The following SPIRE1 variants were observed in gnomAD, a reference collection of about 807,000 sequenced individuals.
SPIRE1 encodes the protein spire type actin nucleation factor 1, also known as protein spire homolog 1.
Under a neutral mutation model 94.1 loss-of-function variants are expected in SPIRE1, and 40 were observed. The observed-to-expected ratio is 0.43, with a 90% CI of 0.33 to 0.55. The LOEUF is 0.55. SPIRE1 is among the 20% of genes least tolerant of loss of function. The pLI is 0.06. For synonymous variants in SPIRE1, 376 were observed against 371.7 expected, an observed-to-expected ratio of 1.01 and a Z score of -0.13; for missense variants, 838 against 975.2, an observed-to-expected ratio of 0.86 and a Z score of 1.87.
At chr18:12,631,871 T>C (rs920415345) in intron 2 of SPIRE1, among the ~76,000 whole-genome samples, 1 of 151,372 alleles carries the variant, frequency 6.6e-6, no homozygotes, top group South Asian at 2.1e-4. Flanking sequence ...TCTCAAAAAA[T>C]ACACATAAAA....
intron 2 of SPIRE1, among the ~76,000 whole-genome samples, chr18:12,614,187 G>A (rs996874278): frequency 3.9e-5 from 6 of 152,200 alleles, no homozygotes; most frequent in Non-Finnish European, 7.3e-5. Context: ...CTTGAGCCCA[G>A]AAGGTGCAGA....
chr18:12,549,439 G>GGTTTTTTTTTTTTTTT (rs2035275774), intron 2 of SPIRE1, among the ~76,000 whole-genome samples: 2 of 41,248 alleles, frequency 4.8e-5, no homozygotes, highest in Non-Finnish European at 7.7e-5. Flanking sequence ...TGTTATTGTT[G>GGTTTTTTTTTTTTTTT]TTTTTTTTTT....
intron 2 of SPIRE1, among the ~76,000 whole-genome samples, chr18:12,549,544 C>A (rs1033949438): frequency 6.8e-6 from 1 of 146,996 alleles, no homozygotes; most frequent in South Asian, 2.2e-4. Flanking sequence ...CTCCACCTCC[C>A]GGGTTCAAGG....
chr18:12,464,654 G>A (rs956019361), intron 11 of SPIRE1, among the ~76,000 whole-genome samples: 4 of 152,256 alleles, frequency 2.6e-5, no homozygotes, highest in Admixed American at 6.5e-5. Context: ...ACTATTGTTC[G>A]TAAACACACA....
At chr18:12,572,208 A>G (rs2035975009) in intron 2 of SPIRE1, among the ~76,000 whole-genome samples, 1 of 152,148 alleles carries the variant, frequency 6.6e-6, no homozygotes, top group Non-Finnish European at 1.5e-5. Context: ...CAATTACACA[A>G]TCACACAGGG....
At chr18:12,493,281 TA>T in intron 7 of SPIRE1, 80 bp from the exon 8 acceptor site, 1 of 1,274,294 alleles carries the variant, frequency 7.8e-7, no homozygotes, top group East Asian at 2.4e-5. Flanking sequence ...TACAGTATTA[TA>T]AATTACATTT....
At chr18:12,490,524 G>C (rs2033196519) in intron 8 of SPIRE1, among the ~76,000 whole-genome samples, 1 of 152,082 alleles carries the variant, frequency 6.6e-6, no homozygotes, top group Admixed American at 6.6e-5. Context: ...AATGAATATA[G>C]ATTCAAAATT....
At chr18:12,622,286 G>A (rs113282568) in intron 2 of SPIRE1, among the ~76,000 whole-genome samples, 2,204 of 152,228 alleles carry the variant, frequency 0.014, 61 homozygotes, top group African/African-American at 0.05. Context: ...CATCTGTGTA[G>A]CGTGGGAAAT....
At chr18:12,543,806 AG>A (rs1190602379) in intron 3 of SPIRE1, among the ~76,000 whole-genome samples, 1 of 152,228 alleles carries the variant, frequency 6.6e-6, no homozygotes, top group Non-Finnish European at 1.5e-5. Context: ...TCAAACAAGG[AG>A]AAAGCAGTTA....
chr18:12,489,119 C>T (rs928695060), intron 8 of SPIRE1, among the ~76,000 whole-genome samples: 4 of 152,094 alleles, frequency 2.6e-5, no homozygotes, highest in African/African-American at 7.2e-5. Flanking sequence ...ACCTAGGAGG[C>T]GGAGCTTGCA....
chr18:12,628,979 T>C (rs1158877550), intron 2 of SPIRE1, among the ~76,000 whole-genome samples: 1 of 152,222 alleles, frequency 6.6e-6, no homozygotes, highest in African/African-American at 2.4e-5. Flanking sequence ...CATGAGTCTT[T>C]TTAATAGTTT....
intron 4 of SPIRE1, among the ~76,000 whole-genome samples, chr18:12,519,326 G>A (rs924008167): frequency 1.3e-5 from 2 of 151,808 alleles, no homozygotes; most frequent in Admixed American, 6.6e-5. Context: ...AGTATTTTTT[G>A]TACCTATACA....
chr18:12,627,291 T>C (rs1006689496), intron 2 of SPIRE1, among the ~76,000 whole-genome samples: 2 of 146,238 alleles, frequency 1.4e-5, no homozygotes, highest in African/African-American at 5.0e-5. Context: ...AATTCCCACC[T>C]ATGAGTGAGA....
chr18:12,562,578 G>A (rs2035717247), intron 2 of SPIRE1, among the ~76,000 whole-genome samples: 1 of 151,672 alleles, frequency 6.6e-6, no homozygotes, highest in Non-Finnish European at 1.5e-5. Flanking sequence ...ATGGTAGTCT[G>A]CTGCACCCAT....
chr18:12,648,327 C>G (rs2038281273), intron 1 of SPIRE1, among the ~76,000 whole-genome samples: 1 of 152,082 alleles, frequency 6.6e-6, no homozygotes, highest in Non-Finnish European at 1.5e-5. Context: ...GTTATCGTAG[C>G]CAGTGATGTC....
intron 10 of SPIRE1, among the ~76,000 whole-genome samples, chr18:12,465,540 A>C (rs570193729): frequency 6.6e-6 from 1 of 152,210 alleles, no homozygotes; most frequent in Non-Finnish European, 1.5e-5. Flanking sequence ...AGATGAAATG[A>C]GGTAATGCAT....
In SPIRE1 at chr18:12,447,439, G is replaced by A. The variant is rs964289170; in HGVS notation, c.*2199C>T. 2 of 149,180 alleles carry A rather than the reference G, an allele frequency of 1.3e-5. No homozygotes were observed. The highest frequency in any genetic ancestry group is 3.0e-5 in the Non-Finnish European group (2 of 67,116). The allele number at this position is 149,180 out of a possible 1,614,324, so 9.2% of individuals were successfully genotyped here. A position where few individuals can be genotyped will look rare whatever the true frequency, so the allele number is the denominator to read the frequency against. On this transcript the variant is annotated 3_prime_UTR_variant, in exon 17 of 17. Transcript: ENST00000409402. Reference sequence around the variant, plus strand: ...GAAGTGTGGAGGGGGGTGGTAGAAAGGGGGGTTAAATGTAAGACTTTGTTT... The same window carrying A: ...GAAGTGTGGAGGGGGGTGGTAGAAAAGGGGGTTAAATGTAAGACTTTGTTT...
intron 1 of SPIRE1, among the ~76,000 whole-genome samples, chr18:12,654,153 A>G (rs1033947931): frequency 8.6e-5 from 13 of 151,278 alleles, no homozygotes; most frequent in Non-Finnish European, 1.6e-4. Context: ...CTCAGCCAAC[A>G]TGGTGAAAAC....
At chr18:12,649,714 A>G (rs1567991795) in intron 1 of SPIRE1, among the ~76,000 whole-genome samples, 1 of 152,164 alleles carries the variant, frequency 6.6e-6, no homozygotes. Flanking sequence ...TTTTTCTTCT[A>G]AAGTTTAGTC....
Sources: gnomAD v4.1 joint callset for allele counts (sites outside exome capture counted in the v4.1 genomes callset) on GRCh38, gnomAD v4.1.1 for gene constraint, MANE v1.5 for transcripts, NCBI Gene and HGNC (gene_info 2026-07-23, HGNC 2026-07-21) for gene names.